Variants in IQCM observed in about 807,000 individuals in gnomAD.
IQCM encodes IQ motif containing M, also known as IQ domain-containing protein M.
A neutral mutation model predicts 57.6 loss-of-function variants in IQCM; 45 were observed. The ratio of observed to expected loss-of-function variants is 0.78; its 90% CI spans 0.62 to 1.00. The LOEUF is 1.00. Ranked by LOEUF, IQCM falls within the 50% of genes least tolerant of loss-of-function variation. The pLI is 0.00. For synonymous variants in IQCM, 148 were observed against 158.9 expected (o/e 0.93, Z 0.51); for missense variants, 468 against 511.6 (o/e 0.91, Z 0.82).
chr4:149,503,765 C>A (rs1743506396), intron 12 of IQCM, among the ~76,000 whole-genome samples: 1 of 151,792 alleles, frequency 6.6e-6, no homozygotes, highest in South Asian at 2.1e-4. Flanking sequence ...TAAGGACTTG[C>A]AAAATTTCAT....
intron 13 of IQCM, among the ~76,000 whole-genome samples, chr4:149,407,950 A>G (rs905644437): frequency 6.6e-6 from 1 of 152,164 alleles, no homozygotes; most frequent in Non-Finnish European, 1.5e-5. Context: ...ACTAATTTAC[A>G]TTCCCACCTA....
chr4:149,531,670 A>C (rs1003625970), intron 12 of IQCM, among the ~76,000 whole-genome samples: 1 of 152,124 alleles, frequency 6.6e-6, no homozygotes, highest in East Asian at 1.9e-4. Context: ...ACTGTTATAA[A>C]TATGTAGAAA....
At chr4:149,626,055 G>A (rs1447892803) in intron 7 of IQCM, among the ~76,000 whole-genome samples, 16 of 151,984 alleles carry the variant, frequency 1.1e-4, no homozygotes, top group Non-Finnish European at 1.5e-5. Context: ...ACAAAGTATT[G>A]ATGCTGGGTG....
intron 9 of IQCM, among the ~76,000 whole-genome samples, chr4:149,572,116 AT>A (rs927375247): frequency 6.6e-6 from 1 of 152,086 alleles, no homozygotes; most frequent in African/African-American, 2.4e-5. Flanking sequence ...AAGGTGAAAC[AT>A]TAGTCAGTCA....
At chr4:149,584,753 CAAT>C (rs1752500018) in intron 9 of IQCM, among the ~76,000 whole-genome samples, 4 of 151,826 alleles carry the variant, frequency 2.6e-5, no homozygotes, top group South Asian at 4.1e-4. Flanking sequence ...TGAACAACAA[CAAT>C]GACAAATGAA....
At chr4:149,629,841 A>AT (rs1282615882) in intron 7 of IQCM, among the ~76,000 whole-genome samples, 1 of 152,094 alleles carries the variant, frequency 6.6e-6, no homozygotes, top group South Asian at 2.1e-4. Context: ...AATTGCACTC[A>AT]TTTTTTTCTA....
At chr4:149,635,651 A>G (rs1757654461) in intron 7 of IQCM, among the ~76,000 whole-genome samples, 1 of 152,194 alleles carries the variant, frequency 6.6e-6, no homozygotes, top group East Asian at 1.9e-4. Flanking sequence ...ATTTACAAAT[A>G]ACACCTGCAT....
chr4:149,666,226 C>A (rs1195765881), intron 7 of IQCM: 1 of 152,148 alleles, frequency 6.6e-6, no homozygotes, highest in Non-Finnish European at 1.5e-5. Context: ...ACTGAGGTAC[C>A]TGGTTCATCT....
At chr4:149,676,695 A>C (rs147821630) in intron 7 of IQCM, among the ~76,000 whole-genome samples, 1 of 152,066 alleles carries the variant, frequency 6.6e-6, no homozygotes, top group African/African-American at 2.4e-5. Flanking sequence ...TTTAAAAGGC[A>C]AGGCTTCAAA....
intron 7 of IQCM, among the ~76,000 whole-genome samples, chr4:149,635,713 A>G (rs1185188558): frequency 6.6e-6 from 1 of 152,180 alleles, no homozygotes; most frequent in Non-Finnish European, 1.5e-5. Flanking sequence ...AAAAACGAGA[A>G]TTACCTCTCC....
chr4:149,488,925 T>C (rs931124670), intron 12 of IQCM, among the ~76,000 whole-genome samples: 1 of 152,126 alleles, frequency 6.6e-6, no homozygotes, highest in African/African-American at 2.4e-5. Flanking sequence ...TTTGATGACA[T>C]GAATGGCTAT....
In IQCM at chr4:149,683,569, G is replaced by A. The variant is rs187061355; in HGVS notation, c.477-1363C>T. ...TTGTATCAAGAGAAAATAGAGAGACGTGAGTATGCAGTCAGTTTTATAAAA... is the reference window on the plus strand; with the variant it reads ...TTGTATCAAGAGAAAATAGAGAGACATGAGTATGCAGTCAGTTTTATAAAA... On this transcript the variant is annotated intron_variant, in intron 6 of 13. Transcript: ENST00000636793. Among the ~76,000 whole-genome samples, 94 of 151,356 alleles carry A rather than the reference G, an allele frequency of 6.2e-4. 2 individuals carry two copies. Among genetic ancestry groups the A allele is most frequent in the African/African-American group, 2.1e-3 (86 of 41,436 alleles).
At chr4:149,799,025 A>T (rs1773367882) in intron 2 of IQCM, among the ~76,000 whole-genome samples, 1 of 146,840 alleles carries the variant, frequency 6.8e-6, no homozygotes, top group African/African-American at 2.7e-5. Context: ...GAGCTGCAAG[A>T]TATGCATCCT....
At chr4:149,385,106 C>G (rs1731330110) in intron 13 of IQCM, among the ~76,000 whole-genome samples, 1 of 152,180 alleles carries the variant, frequency 6.6e-6, no homozygotes, top group Admixed American at 6.6e-5. Context: ...TAGAAAGATA[C>G]TGGAGAGTGC....
At position 149,735,947 on chromosome 4, in the gene IQCM, C is replaced by CTT. The variant is rs142987177; in HGVS notation, c.38-491_38-490dup. ...TTCTAAGTTTCTTAATTTCTTTCGA[C>CTT]TTTTTTTTTTTTTTTTGTGAGACAG... On this transcript the variant is annotated intron_variant, in intron 3 of 13. Transcript: ENST00000636793. Among the ~76,000 whole-genome samples, 1,213 of 139,842 alleles carry CTT rather than the reference C, an allele frequency of 8.7e-3. 9 individuals carry two copies. The highest frequency in any genetic ancestry group is 0.029 in the African/African-American group (1,107 of 38,266). The allele number at this position is 139,842 out of a possible 152,430, so 91.7% of individuals were successfully genotyped here.
chr4:149,733,541 A>G, intron 4 of IQCM, 33 bp from the exon 5 acceptor site: 1 of 1,125,324 alleles, frequency 8.9e-7, no homozygotes, highest in Non-Finnish European at 1.1e-6. Context: ...TTTTGGCAAA[A>G]TTTAATTTTA....
chr4:149,753,055 C>G (rs997949319), intron 2 of IQCM, among the ~76,000 whole-genome samples: 1 of 152,126 alleles, frequency 6.6e-6, no homozygotes, highest in Non-Finnish European at 1.5e-5. Context: ...AACTGTGAAA[C>G]AGAAAGTGGT....
rs1186374303 is a variant in IQCM, at chr4:149,549,043, A to T, written c.1094-454T>A. On this transcript the variant is annotated intron_variant, in intron 11 of 13. Transcript: ENST00000636793. ...CTTTGGATGGCTTATTCTGTTTCTA[A>T]AGTTGGCCCCTAATTGGGAGCAATG... is the stretch of plus-strand genomic sequence containing the variant. Among the ~76,000 whole-genome samples the T allele has an allele frequency of 3.3e-5, 5 of 152,132 alleles. 1 individual carries two copies. Among genetic ancestry groups the T allele is most frequent in the Non-Finnish European group, 5.9e-5 (4 of 68,032 alleles).
At chr4:149,779,453 G>A (rs1771399544) in intron 2 of IQCM, among the ~76,000 whole-genome samples, 1 of 152,120 alleles carries the variant, frequency 6.6e-6, no homozygotes, top group Non-Finnish European at 1.5e-5. Context: ...CCCAGAAATT[G>A]TCAAAACACC....
Sources: gnomAD v4.1 joint callset for allele counts (sites outside exome capture counted in the v4.1 genomes callset) on GRCh38, gnomAD v4.1.1 for gene constraint, MANE v1.5 for transcripts, NCBI Gene and HGNC (gene_info 2026-07-23, HGNC 2026-07-21) for gene names.